Variants in HBS1L observed in about 807,000 individuals in gnomAD.
The protein encoded by HBS1L is HBS1-like protein.
Under a neutral mutation model 88.9 loss-of-function variants are expected in HBS1L, and 55 were observed. That is an observed-to-expected ratio of 0.62 (90% CI 0.50 to 0.77). The LOEUF is 0.77. Ranked by LOEUF, HBS1L falls within the 30% of genes least tolerant of loss-of-function variation. The pLI is 0.00. For missense variants in HBS1L, 741 were observed against 829.3 expected (o/e 0.89, Z 1.31); for synonymous variants, 267 against 288.5 (o/e 0.93, Z 0.76).
At chr6:135,016,287 T>C (rs1394746134) in intron 4 of HBS1L, among the ~76,000 whole-genome samples, 2 of 152,254 alleles carry the variant, frequency 1.3e-5, no homozygotes, top group African/African-American at 2.4e-5. Flanking sequence ...TAACAGTTAA[T>C]GTTAAAACCA....
intron 4 of HBS1L, among the ~76,000 whole-genome samples, chr6:135,008,818 G>A (rs1166808699): frequency 6.6e-6 from 1 of 151,934 alleles, no homozygotes; most frequent in African/African-American, 2.4e-5. Flanking sequence ...CAGGGGTCAG[G>A]AAGTGCCTTA....
At chr6:135,012,890 A>G (rs1775813975) in intron 4 of HBS1L, among the ~76,000 whole-genome samples, 1 of 152,212 alleles carries the variant, frequency 6.6e-6, no homozygotes, top group African/African-American at 2.4e-5. Flanking sequence ...TGTATGAAGA[A>G]AGACTCTTAG....
chr6:135,037,273 G>C (rs1776584226), intron 4 of HBS1L: 6 of 1,551,890 alleles, frequency 3.9e-6, no homozygotes, highest in Admixed American at 2.0e-5. Context: ...ACAAAGGTCA[G>C]ATAAAGTAAA....
At chr6:134,996,291 A>G (rs1775286669) in intron 7 of HBS1L, among the ~76,000 whole-genome samples, 1 of 152,208 alleles carries the variant, frequency 6.6e-6, no homozygotes, top group Non-Finnish European at 1.5e-5. Context: ...AGACTGTCTC[A>G]TAAAAACATA....
chr6:134,965,298 AAC>A lies in HBS1L; in HGVS notation c.2044-10_2044-9del. ...GACCCATCATTCTTTTATCTGTTAA[AAC>A]AAAAAAAAAAAAGACATTTGCTGTA... On this transcript the variant is annotated splice_polypyrimidine_tract_variant and intron_variant, in intron 17 of 17. Coordinates refer to ENST00000367837, the MANE Select transcript of HBS1L (RefSeq NM_006620.4). 1.3e-6 allele frequency: 2 copies of A among 1,538,202 alleles called. No individual in the cohort carries two copies. Among genetic ancestry groups the A allele is most frequent in the African/African-American group, 1.4e-5 (1 of 70,476 alleles).
chr6:135,043,686 C>T (rs1776822854), intron 2 of HBS1L, among the ~76,000 whole-genome samples: 1 of 151,914 alleles, frequency 6.6e-6, no homozygotes. Context: ...AAGACTGGAG[C>T]ATTATAATAA....
rs186406094 is a variant in HBS1L at position 135,014,391 on chromosome 6, C to T, written c.431-11549G>A. Among the ~76,000 whole-genome samples, 139 of 152,220 alleles carry T rather than the reference C, an allele frequency of 9.1e-4. 1 individual carries two copies. Among genetic ancestry groups the T allele is most frequent in the African/African-American group, 3.2e-3 (135 of 41,540 alleles). On this transcript the variant is annotated intron_variant, in intron 4 of 17. Transcript: ENST00000367837. ...GTTAAATTATAGCATGTTCTTGGCACTGAGGACACAAAGGTGAGTGACAGA... is the reference window on the plus strand; with the variant it reads ...GTTAAATTATAGCATGTTCTTGGCATTGAGGACACAAAGGTGAGTGACAGA...
At chr6:135,033,671 T>C (rs1039272052) in intron 4 of HBS1L, among the ~76,000 whole-genome samples, 2 of 152,190 alleles carry the variant, frequency 1.3e-5, no homozygotes, top group African/African-American at 4.8e-5. Flanking sequence ...AATGGAGACC[T>C]AGTTCACCCT....
chr6:135,042,628 G>C (rs929341654), intron 2 of HBS1L, among the ~76,000 whole-genome samples: 1 of 152,046 alleles, frequency 6.6e-6, no homozygotes, highest in African/African-American at 2.4e-5. Flanking sequence ...GGCAAATACA[G>C]TGAAACCCCA....
At chr6:134,965,315 C>T in intron 17 of HBS1L, 25 bp from the exon 18 acceptor site, 2 of 1,437,514 alleles carry the variant, frequency 1.4e-6, no homozygotes, top group South Asian at 1.2e-5. Flanking sequence ...AAAAAAAAGA[C>T]ATTTGCTGTA....
chr6:135,048,775 A>G (rs11755229), intron 2 of HBS1L, among the ~76,000 whole-genome samples: 79,572 of 152,028 alleles, frequency 0.52, 20,957 homozygotes, highest in South Asian at 0.56. Flanking sequence ...AACAGAATAT[A>G]GACTGATAAC....
intron 4 of HBS1L, among the ~76,000 whole-genome samples, chr6:135,004,278 T>C (rs1028787236): frequency 2.1e-5 from 3 of 146,110 alleles, no homozygotes; most frequent in Admixed American, 6.8e-5. Context: ...AAAAAAAAAG[T>C]ACAATTAAAA....
At chr6:135,027,352 ACT>A (rs1160905993) in intron 4 of HBS1L, among the ~76,000 whole-genome samples, 1 of 152,046 alleles carries the variant, frequency 6.6e-6, no homozygotes, top group African/African-American at 2.4e-5. Context: ...CAGATCACAC[ACT>A]CTGATAAACA....
intron 8 of HBS1L, among the ~76,000 whole-genome samples, chr6:134,992,932 GTAAGTGCCCTA>G (rs990574372): frequency 1.1e-4 from 16 of 152,032 alleles, no homozygotes; most frequent in African/African-American, 3.6e-4. Flanking sequence ...TCCATTCATG[GTAAGTGCCCTA>G]TACAGGTGTA....
At chr6:135,018,820 C>T (rs1185600059) in intron 4 of HBS1L, among the ~76,000 whole-genome samples, 40 of 151,646 alleles carry the variant, frequency 2.6e-4, no homozygotes, top group Non-Finnish European at 1.2e-4. Flanking sequence ...TGTTTTTTTA[C>T]CATTCTGCCC....
In HBS1L at chr6:135,026,834, A is replaced by C. The variant is rs562018439; in HGVS notation, c.430+12739T>G. 10 of 151,776 alleles carry C rather than the reference A, an allele frequency of 6.6e-5. 1 individual carries two copies. Among genetic ancestry groups the C allele is most frequent in the African/African-American group, 2.4e-4 (10 of 41,400 alleles). 9.4% of individuals were successfully genotyped at this position (151,776 alleles called of 1,614,324 possible). A position where few individuals can be genotyped will look rare whatever the true frequency, so the allele number is the denominator to read the frequency against. On this transcript the variant is annotated intron_variant, in intron 4 of 17. Coordinates refer to ENST00000367837, the MANE Select transcript of HBS1L (RefSeq NM_006620.4). ...AGGCAATATGAAATAAAAATGCAAG[A>C]GTGTTATATATTAACTTACCACACT...
At chr6:135,001,005 A>T (rs887047040) in intron 5 of HBS1L, among the ~76,000 whole-genome samples, 2 of 152,218 alleles carry the variant, frequency 1.3e-5, no homozygotes, top group African/African-American at 4.8e-5. Context: ...ACTATTAAGC[A>T]TTTCTGAGTA....
Position 134,965,048 on chromosome 6 carries a change from T to C in HBS1L, c.*231A>G, listed in dbSNP as rs1774270466. 5.4e-6 allele frequency: 3 copies of C among 553,474 alleles called. 1 individual carries two copies. In the South Asian group the frequency reaches 6.6e-5, roughly 12 times the overall value. 34.3% of individuals were successfully genotyped at this position (553,474 alleles called of 1,614,324 possible). On this transcript the variant is annotated 3_prime_UTR_variant, in exon 18 of 18. Coordinates refer to ENST00000367837, the MANE Select transcript of HBS1L (RefSeq NM_006620.4). The stretch of plus-strand genomic sequence containing the variant: ...AGCAAAGTAAATCCATTTATTAACG[T>C]TTCAAAGGCAAAGTTGTTTTTAACA...
chr6:135,013,737 C>T (rs1432374785), intron 4 of HBS1L, among the ~76,000 whole-genome samples: 1 of 152,170 alleles, frequency 6.6e-6, no homozygotes, highest in African/African-American at 2.4e-5. Context: ...AAAGATATTA[C>T]AGTCAGACCT....
Sources: gnomAD v4.1 joint callset for allele counts (sites outside exome capture counted in the v4.1 genomes callset) on GRCh38, gnomAD v4.1.1 for gene constraint, MANE v1.5 for transcripts, NCBI Gene and HGNC (gene_info 2026-07-23, HGNC 2026-07-21) for gene names.